WDR70: variants seen among roughly 807,000 people sequenced by gnomAD.
WDR70 encodes the protein WD repeat-containing protein 70.
WDR70 carries 53 observed loss-of-function variants against 88.6 expected under a neutral mutation model. The observed-to-expected ratio is 0.60, with a 90% CI of 0.48 to 0.75. The LOEUF (loss-of-function observed/expected upper bound fraction) is 0.75, where lower values mean the gene tolerates loss of function less well. Ranked by LOEUF, WDR70 falls within the 30% of genes least tolerant of loss-of-function variation. WDR70 has a pLI of 0.00. For missense variants in WDR70, 610 were observed against 823.2 expected, an observed-to-expected ratio of 0.74 and a Z score of 3.17; for synonymous variants, 280 against 270.0, an observed-to-expected ratio of 1.04 and a Z score of -0.36.
intron 9 of WDR70, among the ~76,000 whole-genome samples, chr5:37,597,611 TAA>T (rs1295106961): frequency 6.6e-6 from 1 of 152,220 alleles, no homozygotes; most frequent in Non-Finnish European, 1.5e-5. Flanking sequence ...CGTGGGTTTT[TAA>T]AAAGAGTCCG....
chr5:37,579,246 T>G (rs900278630), intron 9 of WDR70, among the ~76,000 whole-genome samples: 2 of 152,138 alleles, frequency 1.3e-5, no homozygotes, highest in Non-Finnish European at 2.9e-5. Flanking sequence ...AAGGAAATTT[T>G]TAATGTATTC....
Position 37,722,912 on chromosome 5 carries a change from A to G in WDR70, c.1575A>G (p.Leu525=). The G allele has an allele frequency of 6.2e-7, 1 of 1,613,630 alleles. No individual in the cohort carries two copies. The highest frequency in any genetic ancestry group is 8.5e-7 in the Non-Finnish European group (1 of 1,179,648). ...GGAAGGCAAAACAAGCTGAGACTCT[A>G]ACTCAGGACTACATCATCACCCGTA... ...TQRKAKQAET[L]TQDYIITPHA... Residue 525 remains leucine, a synonymous_variant, in exon 15 of 18, where the codon CTA becomes CTG. Coordinates refer to ENST00000265107, the MANE Select transcript of WDR70 (RefSeq NM_018034.4).
chr5:37,745,370 G>T (rs775362679), intron 17 of WDR70, among the ~76,000 whole-genome samples: 1 of 150,680 alleles, frequency 6.6e-6, no homozygotes, highest in Non-Finnish European at 1.5e-5. Flanking sequence ...TGCATCTAGT[G>T]TGCAAAGTAA....
At chr5:37,390,324 G>A (rs1417049141) in intron 3 of WDR70, among the ~76,000 whole-genome samples, 1 of 145,430 alleles carries the variant, frequency 6.9e-6, no homozygotes, top group Non-Finnish European at 1.5e-5. Flanking sequence ...TATAGACAGA[G>A]CAGCCTATAA....
intron 9 of WDR70, among the ~76,000 whole-genome samples, chr5:37,569,583 G>C (rs756224194): frequency 6.6e-6 from 1 of 152,084 alleles, no homozygotes; most frequent in African/African-American, 2.4e-5. Flanking sequence ...TCATTCTTGC[G>C]TGCTCAATGT....
chr5:37,726,135 A>G (rs1208910744), intron 16 of WDR70, among the ~76,000 whole-genome samples: 1 of 152,154 alleles, frequency 6.6e-6, no homozygotes, highest in African/African-American at 2.4e-5. Context: ...GACCTGTTCA[A>G]CCACCTGAGC....
chr5:37,742,218 G>A (rs575852553), intron 17 of WDR70, among the ~76,000 whole-genome samples: 1 of 148,466 alleles, frequency 6.7e-6, no homozygotes, highest in South Asian at 2.1e-4. Flanking sequence ...GCATGCAAGG[G>A]TTCCAGTTTC....
intron 10 of WDR70, among the ~76,000 whole-genome samples, chr5:37,695,299 G>T (rs1034072201): frequency 6.6e-6 from 1 of 152,162 alleles, no homozygotes; most frequent in African/African-American, 2.4e-5. Context: ...CTCCCACCAA[G>T]TCCCACCTCC....
At chr5:37,468,958 T>G (rs1294619759) in intron 7 of WDR70, among the ~76,000 whole-genome samples, 2 of 152,156 alleles carry the variant, frequency 1.3e-5, no homozygotes, top group Non-Finnish European at 2.9e-5. Context: ...CCTCAGGAGA[T>G]CCTGGAACTA....
intron 9 of WDR70, among the ~76,000 whole-genome samples, chr5:37,517,671 A>C (rs983646183): frequency 1.3e-5 from 2 of 151,366 alleles, no homozygotes; most frequent in East Asian, 1.9e-4. Context: ...CAGACCCTAA[A>C]ATTTTTTTAT....
At chr5:37,462,036 G>A (rs1268045497) in intron 7 of WDR70, among the ~76,000 whole-genome samples, 1 of 152,018 alleles carries the variant, frequency 6.6e-6, no homozygotes, top group Non-Finnish European at 1.5e-5. Flanking sequence ...TTTCCTACTA[G>A]AAATTTCTGG....
At chr5:37,751,004 A>G (rs376106425) in intron 17 of WDR70, among the ~76,000 whole-genome samples, 4 of 152,206 alleles carry the variant, frequency 2.6e-5, no homozygotes, top group Admixed American at 1.3e-4. Context: ...AAATCTCATT[A>G]CAACTAACAT....
At chr5:37,379,813 G>A (rs1748367982) in intron 2 of WDR70, among the ~76,000 whole-genome samples, 1 of 152,172 alleles carries the variant, frequency 6.6e-6, no homozygotes, top group South Asian at 2.1e-4. Flanking sequence ...ATGCTAAAAT[G>A]AACATTTTTG....
At chr5:37,627,789 G>A (rs141649417) in intron 10 of WDR70, among the ~76,000 whole-genome samples, 12 of 152,194 alleles carry the variant, frequency 7.9e-5, no homozygotes, top group East Asian at 5.8e-4. Context: ...GATAAGATGC[G>A]TCATATCTTG....
At chr5:37,630,133 G>A (rs57817568) in intron 10 of WDR70, among the ~76,000 whole-genome samples, 71,343 of 152,038 alleles carry the variant, frequency 0.47, 18,186 homozygotes, top group Non-Finnish European at 0.58. Flanking sequence ...TAACTGGGCT[G>A]TCTCTTAGGT....
At chr5:37,393,547 GAT>G (rs1260986079) in intron 4 of WDR70, among the ~76,000 whole-genome samples, 1 of 151,966 alleles carries the variant, frequency 6.6e-6, no homozygotes, top group Non-Finnish European at 1.5e-5. Context: ...CGTAGGTTCT[GAT>G]ATGTTTTGTT....
At chr5:37,629,076 C>T (rs1039094822) in intron 10 of WDR70, among the ~76,000 whole-genome samples, 2 of 152,188 alleles carry the variant, frequency 1.3e-5, no homozygotes, top group African/African-American at 4.8e-5. Flanking sequence ...TTCCCCACCC[C>T]TGCTTTCAGT....
intron 10 of WDR70, among the ~76,000 whole-genome samples, chr5:37,679,547 A>C (rs1337092287): frequency 1.3e-5 from 2 of 152,108 alleles, no homozygotes; most frequent in Non-Finnish European, 1.5e-5. Context: ...AGAACAGCGG[A>C]TTTTCGTGAA....
chr5:37,699,550 A>C (rs1307774269), intron 11 of WDR70, among the ~76,000 whole-genome samples: 4 of 152,152 alleles, frequency 2.6e-5, no homozygotes, highest in African/African-American at 9.7e-5. Flanking sequence ...GGGTGTTACA[A>C]GGTGCTTCTG....
Sources: gnomAD v4.1 joint callset for allele counts (sites outside exome capture counted in the v4.1 genomes callset) on GRCh38, gnomAD v4.1.1 for gene constraint, MANE v1.5 for transcripts, NCBI Gene and HGNC (gene_info 2026-07-23, HGNC 2026-07-21) for gene names.